Variants in CCNI observed in about 807,000 individuals in gnomAD.
CCNI encodes the protein cyclin I.
In CCNI, 14 loss-of-function variants were observed where a neutral mutation model predicts 34.1. That is an observed-to-expected ratio of 0.41 (90% CI 0.27 to 0.64). The LOEUF (loss-of-function observed/expected upper bound fraction) is 0.64. Ranked by LOEUF, CCNI falls within the 30% of genes least tolerant of loss-of-function variation. The pLI is 0.31. For synonymous variants in CCNI, 154 were observed against 158.4 expected (o/e 0.97, Z 0.21); for missense variants, 385 against 440.5 (o/e 0.87, Z 1.13).
intron 6 of CCNI, among the ~76,000 whole-genome samples, chr4:77,052,807 C>A (rs750673420): frequency 1.6e-4 from 25 of 152,122 alleles, no homozygotes; most frequent in Non-Finnish European, 3.1e-4. Context: ...CTGAACACAG[C>A]AAACTTAGCA....
chr4:77,068,980 A>C (rs1447615225), intron 1 of CCNI, among the ~76,000 whole-genome samples: 1 of 152,170 alleles, frequency 6.6e-6, no homozygotes, highest in Non-Finnish European at 1.5e-5. Flanking sequence ...AAATATCTTC[A>C]TACTAAGATG....
intron 6 of CCNI, among the ~76,000 whole-genome samples, chr4:77,053,677 G>C (rs1283382331): frequency 6.6e-6 from 1 of 152,098 alleles, no homozygotes; most frequent in Non-Finnish European, 1.5e-5. Context: ...AAGTCAGAAG[G>C]CATTTAGAGA....
intron 3 of CCNI, chr4:77,056,552 G>C (rs1031179029): frequency 4.7e-6 from 2 of 422,014 alleles, no homozygotes; most frequent in Admixed American, 3.7e-5. Flanking sequence ...AGGAAGGAAA[G>C]TACACTTGCA....
intron 3 of CCNI, 200 bp from the exon 4 acceptor site, chr4:77,056,523 G>A: frequency 1.9e-6 from 1 of 526,668 alleles, no homozygotes. Context: ...TTATTAAAAA[G>A]CTTTAGAGCA....
intron 2 of CCNI, among the ~76,000 whole-genome samples, chr4:77,063,221 G>A (rs1380534053): frequency 3.3e-5 from 5 of 151,960 alleles, no homozygotes; most frequent in African/African-American, 9.7e-5. Context: ...GGGGCAGGGG[G>A]GAAGTTAGAA....
intron 2 of CCNI, among the ~76,000 whole-genome samples, chr4:77,061,210 G>A (rs923478665): frequency 6.6e-6 from 1 of 152,202 alleles, no homozygotes; most frequent in Non-Finnish European, 1.5e-5. Context: ...GTAATACTGA[G>A]TCTAAGGTCA....
intron 6 of CCNI, among the ~76,000 whole-genome samples, chr4:77,050,072 C>A (rs1444652068): frequency 6.6e-6 from 1 of 152,110 alleles, no homozygotes; most frequent in Non-Finnish European, 1.5e-5. Context: ...TCCTAGCATA[C>A]CCTCAACTTG....
Position 77,050,882 on chromosome 4 carries a change from A to G in CCNI, c.691-2220T>C, listed in dbSNP as rs1367909501. The stretch of plus-strand genomic sequence containing the variant: ...AGAAACTGGGAGTAAAAAAGGGGCT[A>G]TAGTGTAGAAATTATTTCTAAAAAA... On this transcript the variant is annotated intron_variant, in intron 6 of 6. Coordinates refer to ENST00000237654, the MANE Select transcript of CCNI (RefSeq NM_006835.3). Among the ~76,000 whole-genome samples, 4 of 152,082 alleles carry G rather than the reference A, an allele frequency of 2.6e-5. 1 individual carries two copies. Among genetic ancestry groups the G allele is most frequent in the Admixed American group, 1.3e-4 (2 of 15,260 alleles).
intron 6 of CCNI, among the ~76,000 whole-genome samples, chr4:77,049,560 C>T (rs1389801840): frequency 6.6e-6 from 1 of 152,084 alleles, no homozygotes; most frequent in African/African-American, 2.4e-5. Context: ...TGCCTGTAAT[C>T]CCAGCTACTC....
intron 1 of CCNI, among the ~76,000 whole-genome samples, chr4:77,072,073 T>C (rs999072817): frequency 3.9e-5 from 6 of 152,124 alleles, no homozygotes; most frequent in Admixed American, 1.3e-4. Context: ...AAACTACAGA[T>C]TAGTATTTCT....
chr4:77,070,019 T>A (rs1012162153), intron 1 of CCNI, among the ~76,000 whole-genome samples: 1 of 143,930 alleles, frequency 6.9e-6, no homozygotes, highest in Non-Finnish European at 1.5e-5. Flanking sequence ...ATCATGGGCT[T>A]TTTTTTTTTT....
Position 77,070,956 on chromosome 4 carries a change from A to G in CCNI, c.-44+4516T>C, listed in dbSNP as rs542661361. On this transcript the variant is annotated intron_variant, in intron 1 of 6. Coordinates refer to ENST00000237654, the MANE Select transcript of CCNI (RefSeq NM_006835.3). ...TTCATAGGTTCTAAGGTTTCTTCCAAACTCCTATTAAAAACCTTAAAACTT... is the reference window on the plus strand; with the variant it reads ...TTCATAGGTTCTAAGGTTTCTTCCAGACTCCTATTAAAAACCTTAAAACTT... Among the ~76,000 whole-genome samples, 124 of 152,304 alleles carry G rather than the reference A, an allele frequency of 8.1e-4. 1 individual carries two copies. Among genetic ancestry groups the G allele is most frequent in the African/African-American group, 3.0e-3 (124 of 41,568 alleles).
At chr4:77,052,926 G>A (rs1383170354) in intron 6 of CCNI, among the ~76,000 whole-genome samples, 1 of 152,126 alleles carries the variant, frequency 6.6e-6, no homozygotes, top group Admixed American at 6.5e-5. Flanking sequence ...CAAGATTTAT[G>A]ACCTTCCTTT....
At chr4:77,069,551 T>C (rs1729304073) in intron 1 of CCNI, among the ~76,000 whole-genome samples, 1 of 151,466 alleles carries the variant, frequency 6.6e-6, no homozygotes, top group South Asian at 2.1e-4. Context: ...TAACTCATCA[T>C]TTACATTAGG....
In CCNI at chr4:77,055,995, A is replaced by C. The variant is rs1189915624; in HGVS notation, c.426T>G (p.Leu142=). The C allele has an allele frequency of 6.2e-7, 1 of 1,613,428 alleles. No homozygotes were observed. The highest frequency in any genetic ancestry group is 8.5e-7 in the Non-Finnish European group (1 of 1,179,520). The part of the protein sequence containing the change: ...RIILDKLNWD[L]HTATPLDFLH... ...GAAAATCCAATGGTGTGGCTGTGTG[A>C]AGATCCCAATTCAACTTATCCAGAA... The change falls in exon 5 of 7, where the codon CTT becomes CTG. Residue 142 remains leucine (L), a synonymous_variant. Transcript: ENST00000237654.
In CCNI at chr4:77,048,630, C is replaced by T. The variant is rs1370617902; in HGVS notation, c.723G>A (p.Glu241=). ...GAGTAGAAAGGTGATGTGCCACAAGCTCCCGACAATGGATCAACTGGGAGC... is the reference window on the plus strand; with the variant it reads ...GAGTAGAAAGGTGATGTGCCACAAGTTCCCGACAATGGATCAACTGGGAGC... ...MDSSQLIHCR[E]LVAHHLSTLQ... Residue 241 remains glutamate (E), a synonymous_variant, in exon 7 of 7, where the codon GAG becomes GAA. Transcript: ENST00000237654. 1.9e-6 allele frequency: 3 copies of T among 1,561,398 alleles called. No homozygotes were observed. The highest frequency in any genetic ancestry group is 2.6e-6 in the Non-Finnish European group (3 of 1,151,832).
At chr4:77,061,614 G>C (rs1404628272) in intron 2 of CCNI, among the ~76,000 whole-genome samples, 1 of 152,132 alleles carries the variant, frequency 6.6e-6, no homozygotes. Context: ...AAAAGATTAA[G>C]TACAATTCCC....
intron 5 of CCNI, among the ~76,000 whole-genome samples, chr4:77,055,700 C>G (rs999586358): frequency 6.6e-6 from 1 of 152,276 alleles, no homozygotes; most frequent in East Asian, 1.9e-4. Flanking sequence ...TTCCTGACCT[C>G]AAGTGATCCG....
At chr4:77,059,965 T>C (rs757442199) in intron 2 of CCNI, among the ~76,000 whole-genome samples, 2 of 151,776 alleles carry the variant, frequency 1.3e-5, no homozygotes, top group South Asian at 2.1e-4. Context: ...CCAGGAGAGG[T>C]AGGTGATGTT....
Sources: gnomAD v4.1 joint callset for allele counts (sites outside exome capture counted in the v4.1 genomes callset) on GRCh38, gnomAD v4.1.1 for gene constraint, MANE v1.5 for transcripts, NCBI Gene and HGNC (gene_info 2026-07-23, HGNC 2026-07-21) for gene names.